RAG1: variants seen among roughly 807,000 people sequenced by gnomAD.
RAG1 encodes the protein recombination activating 1, also known as V(D)J recombination-activating protein 1.
Under a neutral mutation model 62.7 loss-of-function variants are expected in RAG1, and 35 were observed. The ratio of observed to expected loss-of-function variants is 0.56; its 90% confidence interval spans 0.43 to 0.74. The LOEUF (loss-of-function observed/expected upper bound fraction) is 0.74. Ranked by LOEUF, RAG1 falls within the 30% of genes least tolerant of loss-of-function variation. The probability of loss-of-function intolerance (pLI) is 0.00; values close to 1 mark genes in which losing one functional copy is unlikely to be tolerated. For missense variants in RAG1, 1,169 were observed against 1,278.6 expected (o/e 0.91, Z 1.31); for synonymous variants, 461 against 470.3 (o/e 0.98, Z 0.26).
chr11:36,572,511 A>G (rs1850764032), intron 1 of RAG1, among the ~76,000 whole-genome samples: 1 of 152,226 alleles, frequency 6.6e-6, no homozygotes, highest in Non-Finnish European at 1.5e-5. Flanking sequence ...TGTGAGTTTT[A>G]TCTGAAACCA....
In RAG1 at chr11:36,573,729, G is replaced by A. The variant is rs372110434; in HGVS notation, c.425G>A (p.Arg142Gln). ...PVDGKTLGLL[R>Q]KKEKRATSWP... ...GATGGTAAAACCCTAGGCCTTTTAC[G>A]AAAGAAGGAAAAGAGAGCTACTTCC... Residue 142 changes from arginine to glutamine, a missense_variant, in exon 2 of 2, where the codon CGA (arginine) becomes CAA (glutamine). Coordinates refer to ENST00000299440, the MANE Select transcript of RAG1 (RefSeq NM_000448.3). 7.4e-5 allele frequency: 120 copies of A among 1,613,836 alleles called. No individual in the cohort carries two copies. Among genetic ancestry groups the A allele is most frequent in the Non-Finnish European group, 9.1e-5 (107 of 1,180,028 alleles).
chr11:36,516,515 A>G (rs1204713511), intron 1 of RAG1, among the ~76,000 whole-genome samples: 3 of 152,066 alleles, frequency 2.0e-5, no homozygotes, highest in Non-Finnish European at 4.4e-5. Context: ...GTAGAGACGG[A>G]GTTTCACCGT....
intron 2 of RAG1, among the ~76,000 whole-genome samples, chr11:36,534,983 C>T (rs1333725511): frequency 6.6e-6 from 1 of 152,120 alleles, no homozygotes; most frequent in Non-Finnish European, 1.5e-5. Flanking sequence ...TGTTTTAAAA[C>T]ATTTAGATCA....
intron 1 of RAG1, among the ~76,000 whole-genome samples, chr11:36,516,266 G>A (rs1179599835): frequency 6.6e-6 from 1 of 152,216 alleles, no homozygotes; most frequent in Non-Finnish European, 1.5e-5. Flanking sequence ...CTTGTGAGCC[G>A]AGTTAGTGCC....
At chr11:36,516,246 C>G (rs78554499) in intron 1 of RAG1, among the ~76,000 whole-genome samples, 6,582 of 152,300 alleles carry the variant, frequency 0.043, 217 homozygotes, top group Non-Finnish European at 0.065. Flanking sequence ...TCTGATTTGC[C>G]TATATGTTTC....
At position 36,573,682 on chromosome 11, in the gene RAG1, A is replaced by G. The variant is rs748499180; in HGVS notation, c.378A>G (p.Arg126=). The G allele has an allele frequency of 2.6e-5, 42 of 1,614,028 alleles. No homozygotes were observed. The Middle Eastern group carries it at 2.5e-3, about 95-fold the overall frequency. ...NSFRADEHNR[R]YPVHGPVDGK... ...TTAGAGCTGATGAGCACAACAGGAG[A>G]TATCCAGTCCATGGTCCTGTGGATG... The change falls in exon 2 of 2, where the codon AGA becomes AGG. Residue 126 remains arginine (R), a synonymous_variant. Transcript: ENST00000299440.
At chr11:36,535,449 A>G (rs1320283371) in intron 2 of RAG1, among the ~76,000 whole-genome samples, 2 of 152,228 alleles carry the variant, frequency 1.3e-5, no homozygotes, top group African/African-American at 4.8e-5. Context: ...TAATATATGC[A>G]TTGTTTAAAT....
chr11:36,560,669 G>T (rs1275095562), intron 3 of RAG1, among the ~76,000 whole-genome samples: 5 of 152,104 alleles, frequency 3.3e-5, no homozygotes, highest in Admixed American at 1.3e-4. Flanking sequence ...TTGTATACTG[G>T]GCTTAGGGAC....
chr11:36,525,617 C>T (rs548593763), intron 2 of RAG1, among the ~76,000 whole-genome samples: 4 of 152,042 alleles, frequency 2.6e-5, no homozygotes, highest in South Asian at 2.1e-4. Flanking sequence ...ATGTTTCGTA[C>T]GTGTTTTGTT....
At chr11:36,551,014 T>G (rs965776398) in intron 3 of RAG1, among the ~76,000 whole-genome samples, 3 of 152,138 alleles carry the variant, frequency 2.0e-5, no homozygotes, top group African/African-American at 7.2e-5. Context: ...AAGAGGAGGT[T>G]GTTCTCAGTT....
chr11:36,526,157 C>T (rs893455955), intron 2 of RAG1, among the ~76,000 whole-genome samples: 1 of 152,122 alleles, frequency 6.6e-6, no homozygotes, highest in Non-Finnish European at 1.5e-5. Flanking sequence ...CATAGGTATA[C>T]ATGTGCCATG....
At chr11:36,563,004 C>T (rs1373022865) in intron 3 of RAG1, among the ~76,000 whole-genome samples, 1 of 152,116 alleles carries the variant, frequency 6.6e-6, no homozygotes, top group Non-Finnish European at 1.5e-5. Flanking sequence ...CATTTGTACA[C>T]ACACACTTCT....
In RAG1 at chr11:36,572,377, T is replaced by C. The variant is rs189005815; in HGVS notation, c.-14-914T>C. ...CATTACAACTCAAATCAGTCGGGTT[T>C]CCTGGCATATGTAATTGCCAATGTT... is the stretch of plus-strand genomic sequence containing the variant. On this transcript the variant is annotated intron_variant, in intron 1 of 1. Transcript: ENST00000299440. 8.5e-4 allele frequency among the ~76,000 whole-genome samples: 129 copies of C among 152,374 alleles called. 1 individual carries two copies. The highest frequency in any genetic ancestry group is 3.0e-3 in the African/African-American group (126 of 41,580).
At chr11:36,538,969 G>T (rs1261751122), downstream of RAG1, among the ~76,000 whole-genome samples, 12 of 152,026 alleles carry the variant, frequency 7.9e-5, no homozygotes, top group Non-Finnish European at 1.3e-4. Flanking sequence ...TTACTTCTCA[G>T]TCTTTTTCTT....
At chr11:36,559,529 T>C (rs1038931551) in intron 3 of RAG1, among the ~76,000 whole-genome samples, 6 of 152,180 alleles carry the variant, frequency 3.9e-5, no homozygotes, top group Non-Finnish European at 8.8e-5. Context: ...TTTTATAAAG[T>C]CCATAGGCTT....
chr11:36,542,688 G>C (rs1850327516), intron 3 of RAG1, among the ~76,000 whole-genome samples: 1 of 152,146 alleles, frequency 6.6e-6, no homozygotes, highest in Non-Finnish European at 1.5e-5. Context: ...GCATTGAATG[G>C]TACAGAAAAC....
intron 3 of RAG1, among the ~76,000 whole-genome samples, chr11:36,559,978 A>G (rs891638688): frequency 1.3e-5 from 2 of 152,172 alleles, no homozygotes; most frequent in Non-Finnish European, 1.5e-5. Context: ...CTGCTGGAGC[A>G]GTTGCCTCTT....
Position 36,578,387 on chromosome 11 carries a change from T to C in RAG1, c.*1951T>C, listed in dbSNP as rs1850883583. The C allele has an allele frequency of 6.0e-6, 1 of 166,468 alleles. No homozygotes were observed. Among genetic ancestry groups the C allele is most frequent in the Non-Finnish European group, 1.5e-5 (1 of 68,124 alleles). 10.3% of individuals were successfully genotyped at this position (166,468 alleles called of 1,614,324 possible). A position where few individuals can be genotyped will look rare whatever the true frequency, so the allele number is the denominator to read the frequency against. On this transcript the variant is annotated 3_prime_UTR_variant, in exon 2 of 2. Transcript: ENST00000299440. ...TTGAAAACTCTTGGTTTTGTTTTTTTGGAAATGAGTGGGCCACTAAGCCAC... is the reference window on the plus strand; with the variant it reads ...TTGAAAACTCTTGGTTTTGTTTTTTCGGAAATGAGTGGGCCACTAAGCCAC...
At chr11:36,538,858 C>G (rs779660899), downstream of RAG1, among the ~76,000 whole-genome samples, 3 of 152,202 alleles carry the variant, frequency 2.0e-5, no homozygotes, top group Non-Finnish European at 4.4e-5. Flanking sequence ...CACCTCCCTT[C>G]CCACCCATCT....
Sources: gnomAD v4.1 joint callset for allele counts (sites outside exome capture counted in the v4.1 genomes callset) on GRCh38, gnomAD v4.1.1 for gene constraint, MANE v1.5 for transcripts, NCBI Gene and HGNC (gene_info 2026-07-23, HGNC 2026-07-21) for gene names.